The following TRAPPC8 variants were observed in gnomAD, a reference collection of about 807,000 sequenced individuals.
TRAPPC8 encodes the protein general sporulation gene 1 homolog.
A neutral mutation model predicts 174.3 loss-of-function variants in TRAPPC8; 54 were observed. That is an observed-to-expected ratio of 0.31 (90% confidence interval 0.25 to 0.39). The LOEUF (loss-of-function observed/expected upper bound fraction) is 0.39. Among genes scored for constraint, TRAPPC8 ranks in the 10% least tolerant of loss-of-function variants. TRAPPC8 has a pLI of 1.00. For synonymous variants in TRAPPC8, 630 were observed against 579.9 expected (o/e 1.09, Z -1.24); for missense variants, 1,531 against 1,699.1 (o/e 0.90, Z 1.74).
chr18:31,921,432 G>T (rs1007327296), intron 2 of TRAPPC8, among the ~76,000 whole-genome samples: 5 of 151,978 alleles, frequency 3.3e-5, no homozygotes, highest in Non-Finnish European at 5.9e-5. Context: ...TGACCAACAT[G>T]GAGAAACCCT....
chr18:31,851,880 A>C (rs1236445069), intron 24 of TRAPPC8, among the ~76,000 whole-genome samples: 1 of 151,894 alleles, frequency 6.6e-6, no homozygotes, highest in Admixed American at 6.6e-5. Context: ...TGCTTTTTAA[A>C]AAAAATATCC....
intron 1 of TRAPPC8, chr18:31,939,369 G>C (rs2038236414): frequency 6.6e-6 from 1 of 152,082 alleles, no homozygotes. Flanking sequence ...AGACCCTCAA[G>C]AATCTACTCA....
Position 31,908,869 on chromosome 18 carries a change from T to A in TRAPPC8, c.1007A>T (p.His336Leu), listed in dbSNP as rs755687915. 1 of 1,613,884 alleles carries A rather than the reference T, an allele frequency of 6.2e-7. No homozygotes were observed. The highest frequency in any genetic ancestry group is 1.1e-5 in the South Asian group (1 of 91,068). The change falls in exon 7 of 29, where the codon CAT becomes CTT. Residue 336 changes from histidine (H) to leucine (L), a missense_variant. By Grantham distance (99) the His-to-Leu change is moderately conservative. Transcript: ENST00000283351. ...ETKKGNTGII[H>L]GACLTLTDHD... ...ATCAGTAAGTGTTAAACATGCACCA[T>A]GAATTATTCCAGTATTTCCTTTCTT...
intron 1 of TRAPPC8, among the ~76,000 whole-genome samples, chr18:31,935,884 C>T (rs1164914591): frequency 2.6e-5 from 4 of 151,484 alleles, no homozygotes; most frequent in South Asian, 2.1e-4. Flanking sequence ...TACAGGCGCC[C>T]GCCACCACAC....
At chr18:31,921,606 G>A (rs867582819) in intron 2 of TRAPPC8, among the ~76,000 whole-genome samples, 4 of 145,248 alleles carry the variant, frequency 2.8e-5, no homozygotes, top group Admixed American at 1.4e-4. Context: ...ATGACAGAGC[G>A]AGACTCCGTC....
intron 19 of TRAPPC8, among the ~76,000 whole-genome samples, chr18:31,859,362 A>G (rs2034204830): frequency 6.6e-6 from 1 of 152,220 alleles, no homozygotes; most frequent in Non-Finnish European, 1.5e-5. Flanking sequence ...CAAGGGATTA[A>G]TGTAGAAATC....
chr18:31,900,725 T>G (rs1038011068), intron 10 of TRAPPC8, among the ~76,000 whole-genome samples, 200 bp downstream of exon 10: 12 of 152,092 alleles, frequency 7.9e-5, no homozygotes, highest in Non-Finnish European at 1.2e-4. Flanking sequence ...ATCTCAACAT[T>G]ACATAACACA....
chr18:31,890,893 G>C, intron 11 of TRAPPC8, 27 bp from the exon 12 acceptor site: 1 of 1,574,558 alleles, frequency 6.4e-7, no homozygotes, highest in Non-Finnish European at 8.6e-7. Flanking sequence ...AGAGAAAAAG[G>C]TTAGTTTCAC....
chr18:31,867,025 T>A, intron 17 of TRAPPC8, 50 bp from the exon 18 acceptor site: 1 of 1,588,920 alleles, frequency 6.3e-7, no homozygotes, highest in Non-Finnish European at 8.6e-7. Flanking sequence ...ATATCTTAAA[T>A]AGCACAATAC....
At chr18:31,941,325 C>T (rs541371277) in intron 1 of TRAPPC8, among the ~76,000 whole-genome samples, 7 of 152,288 alleles carry the variant, frequency 4.6e-5, no homozygotes, top group Admixed American at 2.0e-4. Context: ...TGCCTGTAAT[C>T]TCAGTTACTC....
intron 2 of TRAPPC8, among the ~76,000 whole-genome samples, chr18:31,929,552 A>C (rs1348403944): frequency 6.6e-6 from 1 of 152,022 alleles, no homozygotes; most frequent in Non-Finnish European, 1.5e-5. Context: ...TTAGCCTGGC[A>C]TAGTTGGTAG....
At chr18:31,885,093 G>C (rs949542017) in intron 12 of TRAPPC8, among the ~76,000 whole-genome samples, 104 of 152,106 alleles carry the variant, frequency 6.8e-4, no homozygotes, top group Admixed American at 1.3e-3. Flanking sequence ...TCCTGACCTC[G>C]TGATCCGCCT....
Position 31,830,421 on chromosome 18 carries a change from A to G in TRAPPC8, c.*334T>C. On this transcript the variant is annotated 3_prime_UTR_variant, in exon 29 of 29. Coordinates refer to ENST00000283351, the MANE Select transcript of TRAPPC8 (RefSeq NM_014939.5). ...ACAAGGCCTTTCCTTTCTCAGAATC[A>G]TCTCCTAATATTCGTATACCATTGA... 1 of 205,018 alleles carries G rather than the reference A, an allele frequency of 4.9e-6. No individual in the cohort carries two copies. 12.7% of individuals were successfully genotyped at this position (205,018 alleles called of 1,614,324 possible).
intron 13 of TRAPPC8, chr18:31,874,123 T>C: frequency 3.4e-6 from 1 of 291,930 alleles, no homozygotes; most frequent in East Asian, 6.8e-5. Context: ...AGAATGTCCA[T>C]CTCCAAAGGA....
intron 27 of TRAPPC8, among the ~76,000 whole-genome samples, chr18:31,833,114 T>A (rs1193447048): frequency 6.6e-6 from 1 of 152,198 alleles, no homozygotes; most frequent in Non-Finnish European, 1.5e-5. Flanking sequence ...AAACTTCTCA[T>A]GTGGCAAGAA....
chr18:31,866,082 T>G (rs1333590403), intron 18 of TRAPPC8, among the ~76,000 whole-genome samples: 1 of 152,080 alleles, frequency 6.6e-6, no homozygotes, highest in African/African-American at 2.4e-5. Flanking sequence ...TCAATGTTAA[T>G]AATCAGCTTT....
intron 1 of TRAPPC8, among the ~76,000 whole-genome samples, chr18:31,937,096 C>T (rs2038139105): frequency 6.6e-6 from 1 of 150,472 alleles, no homozygotes; most frequent in Non-Finnish European, 1.5e-5. Flanking sequence ...CGCCTATAGT[C>T]CCAGCTACTC....
rs566377546 is a variant in TRAPPC8 at position 31,908,660 on chromosome 18, G to A, written c.1122+94C>T. ...TCTTAATATTGGCCTATCTTAAAAC[G>A]AAAATAAAACAAAACTTCAAATACG... On this transcript the variant is annotated intron_variant, in intron 7 of 28. Transcript: ENST00000283351. 2.0e-4 allele frequency: 268 copies of A among 1,329,204 alleles called. 2 individuals are homozygous for A. The African/African-American group carries it at 3.1e-3, about 15-fold the overall frequency. 82.3% of individuals were successfully genotyped at this position (1,329,204 alleles called of 1,614,324 possible). A position where few individuals can be genotyped will look rare whatever the true frequency, so the allele number is the denominator to read the frequency against.
intron 16 of TRAPPC8, 67 bp from the exon 17 acceptor site, chr18:31,867,543 A>G (rs1598633078): frequency 1.9e-6 from 2 of 1,028,556 alleles, no homozygotes; most frequent in South Asian, 2.8e-5. Context: ...ACACTCCTAT[A>G]TATCAATACT....
Sources: allele counts gnomAD v4.1 joint callset (sites outside exome capture counted in the v4.1 genomes callset), GRCh38; gene constraint gnomAD v4.1.1; transcripts MANE v1.5; gene names NCBI Gene and HGNC (gene_info 2026-07-23, HGNC 2026-07-21).